The following CLIP1 variants were observed in gnomAD, a reference collection of about 807,000 sequenced individuals.
CLIP1 encodes CAP-Gly domain containing linker protein 1.
A neutral mutation model predicts 161.6 loss-of-function variants in CLIP1; 66 were observed. That is an observed-to-expected ratio of 0.41 (90% CI 0.33 to 0.50). CLIP1 has a LOEUF of 0.50. CLIP1 is among the 20% of genes least tolerant of loss of function. The pLI is 0.27. For missense variants in CLIP1, 1,376 were observed against 1,702.0 expected (o/e 0.81, Z 3.37); for synonymous variants, 598 against 626.2 (o/e 0.96, Z 0.67).
At chr12:122,375,199 T>C (rs568504654) in intron 3 of CLIP1, among the ~76,000 whole-genome samples, 4 of 152,258 alleles carry the variant, frequency 2.6e-5, no homozygotes, top group Admixed American at 2.0e-4. Context: ...GGTTCTAGAA[T>C]GTAGAGCATG....
chr12:122,377,317 G>A (rs1368853244), intron 3 of CLIP1, 72 bp downstream of exon 3: 3 of 1,382,774 alleles, frequency 2.2e-6, no homozygotes, highest in Non-Finnish European at 3.0e-6. Flanking sequence ...CCTGATGTGT[G>A]TGTATTTCAA....
At chr12:122,357,622 G>A (rs1203474679) in intron 5 of CLIP1, among the ~76,000 whole-genome samples, 2 of 142,700 alleles carry the variant, frequency 1.4e-5, no homozygotes, top group South Asian at 2.2e-4. Flanking sequence ...GCCTCTGCCC[G>A]GCCACCCCTA....
intron 17 of CLIP1, among the ~76,000 whole-genome samples, chr12:122,324,567 T>C: frequency 6.6e-6 from 1 of 152,172 alleles, no homozygotes; most frequent in Admixed American, 6.5e-5. Flanking sequence ...AAGTCAAAAG[T>C]GTAGTTTTGC....
intron 2 of CLIP1, among the ~76,000 whole-genome samples, chr12:122,379,962 A>AAAAAAAAAAAAAAAAAAC: frequency 7.0e-6 from 1 of 143,784 alleles, no homozygotes; most frequent in Non-Finnish European, 1.5e-5. Context: ...AAAAAAAAAA[A>AAAAAAAAAAAAAAAAAAC]TGCAAGGCAC....
chr12:122,399,406 C>T (rs766386389), intron 1 of CLIP1: 2 of 152,126 alleles, frequency 1.3e-5, no homozygotes, highest in Admixed American at 1.3e-4. Flanking sequence ...AAAGTACAGA[C>T]CTCTGCCATC....
intron 1 of CLIP1, among the ~76,000 whole-genome samples, chr12:122,398,677 G>A (rs1044463062): frequency 3.3e-5 from 5 of 151,632 alleles, no homozygotes; most frequent in Non-Finnish European, 2.9e-5. Context: ...AGAGCTGCCT[G>A]GGCAACATAG....
Position 122,273,077 on chromosome 12 carries a change from T to C in CLIP1, c.4115A>G (p.Lys1372Arg), listed in dbSNP as rs1201720123. The C allele has an allele frequency of 1.2e-6, 2 of 1,614,024 alleles. No individual in the cohort carries two copies. Among genetic ancestry groups the C allele is most frequent in the Admixed American group, 1.7e-5 (1 of 59,998 alleles). Reference protein sequence around the residue: ...YDSDDQEKQSKKKPRLFCDIC... With the variant: ...YDSDDQEKQSRKKPRLFCDIC... The stretch of plus-strand genomic sequence containing the variant: ...GTCACAGAAGAGGCGAGGTTTCTTC[T>C]TGGACTGTTTCTCCTGATCATCACT... Residue 1372 changes from lysine (K) to arginine (R), a missense_variant, in exon 26 of 26, where the codon AAG becomes AGG. By Grantham distance (26) the Lys-to-Arg change is conservative (BLOSUM62 2). Transcript: ENST00000620786.
chr12:122,406,131 T>C (rs1215019862), intron 1 of CLIP1, among the ~76,000 whole-genome samples: 1 of 152,038 alleles, frequency 6.6e-6, no homozygotes, highest in Non-Finnish European at 1.5e-5. Flanking sequence ...TGAGTAAATA[T>C]TGTAATCACT....
Position 122,276,348 on chromosome 12 carries a change from A to G in CLIP1, c.3966+1806T>C. The G allele has an allele frequency of 2.5e-6, 3 of 1,216,550 alleles. No individual in the cohort carries two copies. The South Asian group carries it at 4.2e-5, about 17-fold the overall frequency. 75.4% of individuals were successfully genotyped at this position (1,216,550 alleles called of 1,614,324 possible). On this transcript the variant is annotated intron_variant, in intron 24 of 25. Transcript: ENST00000620786. Reference sequence around the variant, plus strand: ...AAGAGCTCCATTTCAGGAAGAAGAAAAAGCCACAAAATGGACATAAGTATA... The same window carrying G: ...AAGAGCTCCATTTCAGGAAGAAGAAGAAGCCACAAAATGGACATAAGTATA...
intron 1 of CLIP1, chr12:122,400,125 CACTT>C (rs1394737737): frequency 6.6e-6 from 1 of 152,176 alleles, no homozygotes; most frequent in Admixed American, 6.6e-5. Flanking sequence ...CCACTGAAAA[CACTT>C]ACACAACGCT....
chr12:122,297,286 T>C (rs958844654), intron 20 of CLIP1, among the ~76,000 whole-genome samples: 5 of 152,164 alleles, frequency 3.3e-5, no homozygotes, highest in African/African-American at 1.2e-4. Flanking sequence ...TAGAAGTCCA[T>C]AGTCATGACA....
At chr12:122,273,591 T>G (rs1955266849) in intron 25 of CLIP1, among the ~76,000 whole-genome samples, 1 of 151,970 alleles carries the variant, frequency 6.6e-6, no homozygotes, top group Non-Finnish European at 1.5e-5. Context: ...TAGTCTCCTC[T>G]CACTCACTTG....
chr12:122,403,348 G>A (rs1956203612), intron 1 of CLIP1, among the ~76,000 whole-genome samples: 1 of 152,100 alleles, frequency 6.6e-6, no homozygotes, highest in Non-Finnish European at 1.5e-5. Flanking sequence ...CAAAGAGTTT[G>A]AAAACACACC....
chr12:122,310,850 A>G (rs1372391216), intron 19 of CLIP1, among the ~76,000 whole-genome samples: 1 of 152,092 alleles, frequency 6.6e-6, no homozygotes, highest in Middle Eastern at 3.2e-3. Context: ...TTTAACTTCA[A>G]TTGTCTAATG....
Position 122,370,248 on chromosome 12 carries a change from A to C in CLIP1, c.658-6141T>G, listed in dbSNP as rs538559637. ...AGCAGAGTGAGAAAGGGGTGTGAGA[A>C]GGACAAGAGGTCGGGAGGGTGGGCA... is the stretch of plus-strand genomic sequence containing the variant. On this transcript the variant is annotated intron_variant, in intron 3 of 25. Coordinates refer to ENST00000620786, the MANE Select transcript of CLIP1 (RefSeq NM_001247997.2). Among the ~76,000 whole-genome samples, 202 of 146,602 alleles carry C rather than the reference A, an allele frequency of 1.4e-3. 2 individuals are homozygous for C. Among genetic ancestry groups the C allele is most frequent in the Non-Finnish European group, 2.5e-3 (168 of 66,402 alleles).
rs1323523119 is a variant in CLIP1 at position 122,390,306 on chromosome 12, A to ATG, written c.-106-9749_-106-9748insCA. ...TATATATATATATATATATATATGT[A>ATG]TATATATATATATTATTTTTTTTTT... On this transcript the variant is annotated intron_variant, in intron 1 of 25. Coordinates refer to ENST00000620786, the MANE Select transcript of CLIP1 (RefSeq NM_001247997.2). Among the ~76,000 whole-genome samples the ATG allele has an allele frequency of 9.7e-4, 124 of 128,058 alleles. 1 individual carries two copies. The highest frequency in any genetic ancestry group is 1.1e-3 in the African/African-American group (40 of 35,726). The allele number at this position is 128,058 out of a possible 152,430, so 84.0% of individuals were successfully genotyped here.
chr12:122,363,288 C>A (rs1410548509), intron 4 of CLIP1, among the ~76,000 whole-genome samples: 1 of 151,962 alleles, frequency 6.6e-6, no homozygotes, highest in Non-Finnish European at 1.5e-5. Context: ...TCACTTGTGC[C>A]CAGGAGTTTG....
intron 1 of CLIP1, among the ~76,000 whole-genome samples, chr12:122,390,196 T>TAA (rs1555280549): frequency 1.0e-4 from 10 of 98,884 alleles, no homozygotes; most frequent in African/African-American, 1.9e-4. Flanking sequence ...TATATATATA[T>TAA]AATATATATA....
intron 20 of CLIP1, among the ~76,000 whole-genome samples, chr12:122,289,392 C>T (rs1027588828): frequency 6.6e-5 from 10 of 151,472 alleles, no homozygotes; most frequent in African/African-American, 2.4e-4. Context: ...GCACTCCAGC[C>T]TGGGTGACAG....
Sources: allele counts gnomAD v4.1 joint callset (sites outside exome capture counted in the v4.1 genomes callset), GRCh38; gene constraint gnomAD v4.1.1; transcripts MANE v1.5; gene names NCBI Gene and HGNC (gene_info 2026-07-23, HGNC 2026-07-21).